The following TMEM17 variants were observed in gnomAD, a reference collection of about 807,000 sequenced individuals.
TMEM17 encodes transmembrane protein 17.
A neutral mutation model predicts 19.1 loss-of-function variants in TMEM17; 15 were observed. The ratio of observed to expected loss-of-function variants is 0.78; its 90% CI spans 0.52 to 1.21. TMEM17 has a LOEUF of 1.21. Among genes scored for constraint, TMEM17 ranks in the 50% most tolerant of loss-of-function variants. The pLI, the probability that TMEM17 is intolerant of heterozygous loss-of-function variation, is 0.00. For synonymous variants in TMEM17, 103 were observed against 86.9 expected, an observed-to-expected ratio of 1.19 and a Z score of -1.03; for missense variants, 245 against 242.3, an observed-to-expected ratio of 1.01 and a Z score of -0.07.
downstream of TMEM17, among the ~76,000 whole-genome samples, chr2:62,499,386 A>C (rs1460858991): frequency 6.6e-6 from 1 of 152,186 alleles, no homozygotes; most frequent in Non-Finnish European, 1.5e-5. Flanking sequence ...TCACCTACCT[A>C]GTCCTATCTG....
At chr2:62,491,088 A>AAAC in the TMEM17 span, 1 of 151,494 alleles carries the variant, frequency 6.6e-6, no homozygotes, top group Non-Finnish European at 1.5e-5. Context: ...CAAAAAAAAA[A>AAAC]AAAAAAAAAA....
At chr2:62,486,458 T>C in the TMEM17 span, among the ~76,000 whole-genome samples, 30 of 152,268 alleles carry the variant, frequency 2.0e-4, no homozygotes, top group East Asian at 4.8e-3. Flanking sequence ...ATGAGATGTA[T>C]GTGAAGTAGG....
the TMEM17 span, among the ~76,000 whole-genome samples, chr2:62,466,826 A>G: frequency 6.6e-6 from 1 of 152,158 alleles, no homozygotes; most frequent in African/African-American, 2.4e-5. Context: ...GTTTGGTGGA[A>G]GGTGTGGGTG....
the TMEM17 span, among the ~76,000 whole-genome samples, chr2:62,492,419 T>G: frequency 1.4e-4 from 21 of 152,346 alleles, no homozygotes; most frequent in African/African-American, 5.1e-4. Flanking sequence ...AAATGGTGGT[T>G]GTTATTTGCA....
chr2:62,471,376 C>CTCGTCTGT, the TMEM17 span, among the ~76,000 whole-genome samples: 1 of 152,170 alleles, frequency 6.6e-6, no homozygotes, highest in Non-Finnish European at 1.5e-5. Flanking sequence ...ATAATATTAA[C>CTCGTCTGT]AATAGCCAAG....
At chr2:62,473,736 G>A in the TMEM17 span, among the ~76,000 whole-genome samples, 2 of 152,208 alleles carry the variant, frequency 1.3e-5, no homozygotes, top group African/African-American at 2.4e-5. Context: ...GGGCTGGTAG[G>A]CAGAGACTGT....
chr2:62,460,374 C>T, the TMEM17 span, among the ~76,000 whole-genome samples: 3 of 152,294 alleles, frequency 2.0e-5, no homozygotes, highest in African/African-American at 7.2e-5. Context: ...AGCGTGGCTG[C>T]TGGGTCTTTG....
chr2:62,469,532 C>T, the TMEM17 span, among the ~76,000 whole-genome samples: 2 of 152,220 alleles, frequency 1.3e-5, no homozygotes, highest in African/African-American at 4.8e-5. Flanking sequence ...ATTTCTTCTC[C>T]TCACTTTCAG....
At chr2:62,505,799 A>C (rs1210414126) in intron 1 of TMEM17, among the ~76,000 whole-genome samples, 2 of 152,130 alleles carry the variant, frequency 1.3e-5, no homozygotes, top group Non-Finnish European at 2.9e-5. Flanking sequence ...CGCTTGCAAC[A>C]AGCTGGCCAG....
chr2:62,502,626 G>C (rs1420465320), intron 2 of TMEM17, 65 bp downstream of exon 2: 35 of 1,466,438 alleles, frequency 2.4e-5, no homozygotes, highest in Non-Finnish European at 3.3e-5. Flanking sequence ...AAATTATTAA[G>C]AACTTGAATT....
At chr2:62,496,336 A>G (rs79239484), downstream of TMEM17, among the ~76,000 whole-genome samples, 1 of 152,248 alleles carries the variant, frequency 6.6e-6, no homozygotes, top group East Asian at 1.9e-4. Flanking sequence ...ATCATCTGAG[A>G]TATGGAAAAA....
chr2:62,490,295 G>A, the TMEM17 span, among the ~76,000 whole-genome samples: 1 of 151,990 alleles, frequency 6.6e-6, no homozygotes, highest in African/African-American at 2.4e-5. Context: ...GCAAGGTCTC[G>A]TTTTGTCACC....
In TMEM17 at chr2:62,501,736, A is replaced by G. The variant is rs1303979828; in HGVS notation, c.319-249T>C. On this transcript the variant is annotated intron_variant, in intron 3 of 3. Transcript: ENST00000335390. ...TGCAATATTTAGAAGTACAGACTAA[A>G]TGCTACAAGAAATAAGGGAGTGATT... is the stretch of plus-strand genomic sequence containing the variant. The G allele has an allele frequency of 2.0e-5, 8 of 396,666 alleles. No individual in the cohort carries two copies. In the East Asian group the frequency reaches 3.4e-4, roughly 17 times the overall value. The allele number at this position is 396,666 out of a possible 1,614,324, so 24.6% of individuals were successfully genotyped here. A position where few individuals can be genotyped will look rare whatever the true frequency, so the allele number is the denominator to read the frequency against.
chr2:62,501,856 T>C (rs1350844465), intron 3 of TMEM17: 1 of 185,604 alleles, frequency 5.4e-6, no homozygotes, highest in Non-Finnish European at 1.1e-5. Context: ...CACGTGAAAT[T>C]AGCATGATTG....
At chr2:62,505,958 T>G (rs1680059436) in intron 1 of TMEM17, 72 bp downstream of exon 1, 1 of 1,414,276 alleles carries the variant, frequency 7.1e-7, no homozygotes, top group African/African-American at 1.5e-5. Context: ...TACGGGCAAA[T>G]TCTGGACGCT....
chr2:62,489,946 G>A, the TMEM17 span, among the ~76,000 whole-genome samples: 7 of 152,256 alleles, frequency 4.6e-5, no homozygotes, highest in East Asian at 5.8e-4. Context: ...AGGTCAAGGT[G>A]GGTGGATCAC....
the TMEM17 span, among the ~76,000 whole-genome samples, chr2:62,478,023 A>G: frequency 2.0e-5 from 3 of 152,130 alleles, no homozygotes; most frequent in Non-Finnish European, 4.4e-5. Context: ...AAACCTCCCA[A>G]TCTTTACTGG....
the TMEM17 span, among the ~76,000 whole-genome samples, chr2:62,490,803 G>T: frequency 2.0e-5 from 3 of 151,936 alleles, no homozygotes; most frequent in Non-Finnish European, 4.4e-5. Flanking sequence ...TTCAAATGGC[G>T]TGGTGGCTCA....
At chr2:62,493,475 T>A in the TMEM17 span, among the ~76,000 whole-genome samples, 1 of 152,348 alleles carries the variant, frequency 6.6e-6, no homozygotes, top group Admixed American at 6.5e-5. Context: ...GAGATTGCTA[T>A]CCTACTTGAT....
Sources: gnomAD v4.1 joint callset for allele counts (sites outside exome capture counted in the v4.1 genomes callset) on GRCh38, gnomAD v4.1.1 for gene constraint, MANE v1.5 for transcripts, NCBI Gene and HGNC (gene_info 2026-07-23, HGNC 2026-07-21) for gene names.